The following RTN3 variants were observed in gnomAD, a reference collection of about 807,000 sequenced individuals.
The protein encoded by RTN3 is reticulon 3, also known as reticulon-3.
A neutral mutation model predicts 77.8 loss-of-function variants in RTN3; 49 were observed. The ratio of observed to expected loss-of-function variants is 0.63; its 90% CI spans 0.50 to 0.80. The LOEUF (loss-of-function observed/expected upper bound fraction) is 0.80. Ranked by LOEUF, RTN3 falls within the 30% of genes least tolerant of loss-of-function variation. The probability of loss-of-function intolerance (pLI) is 0.00; values close to 1 mark genes in which losing one functional copy is unlikely to be tolerated. For synonymous variants in RTN3, 464 were observed against 446.9 expected, an observed-to-expected ratio of 1.04 and a Z score of -0.48; for missense variants, 1,236 against 1,211.9, an observed-to-expected ratio of 1.02 and a Z score of -0.29.
At chr11:63,712,249 A>G (rs1051207981) in intron 2 of RTN3, among the ~76,000 whole-genome samples, 1 of 152,156 alleles carries the variant, frequency 6.6e-6, no homozygotes, top group African/African-American at 2.4e-5. Flanking sequence ...TCTCCCTAGT[A>G]AAAAGGCATG....
intron 2 of RTN3, among the ~76,000 whole-genome samples, chr11:63,711,557 T>C (rs1055520808): frequency 1.3e-5 from 2 of 151,632 alleles, no homozygotes; most frequent in African/African-American, 4.8e-5. Flanking sequence ...ACCAAGCTAA[T>C]TTAAAACAAA....
At chr11:63,738,359 G>A (rs973951508) in intron 3 of RTN3, among the ~76,000 whole-genome samples, 3 of 152,076 alleles carry the variant, frequency 2.0e-5, no homozygotes, top group Non-Finnish European at 4.4e-5. Context: ...AAATGAAGTG[G>A]CTGGGTTCAG....
intron 2 of RTN3, among the ~76,000 whole-genome samples, chr11:63,715,836 T>C (rs1382084083): frequency 1.3e-5 from 2 of 152,214 alleles, no homozygotes; most frequent in Non-Finnish European, 2.9e-5. Flanking sequence ...TCAGTAACAA[T>C]GCATGGCTCA....
Position 63,753,095 on chromosome 11 carries a change from C to T in RTN3, c.2904C>T (p.Thr968=), listed in dbSNP as rs1421713458. Residue 968 remains threonine, a synonymous_variant, in exon 6 of 9, where the codon ACC becomes ACT. Transcript: ENST00000377819. ...TGGCTGTCTTCATGTGGCTGATGAC[C>T]TATGTTGGTGCTGTTTTTAACGGAA... ...LKLAVFMWLM[T]YVGAVFNGIT... 2 of 1,614,004 alleles carry T rather than the reference C, an allele frequency of 1.2e-6. No homozygotes were observed. The highest frequency in any genetic ancestry group is 2.7e-5 in the African/African-American group (2 of 74,908).
chr11:63,729,728 G>A (rs1268699676), intron 3 of RTN3, among the ~76,000 whole-genome samples: 1 of 151,782 alleles, frequency 6.6e-6, no homozygotes, highest in Non-Finnish European at 1.5e-5. Context: ...CCAAAGTGCT[G>A]GGATTATAGG....
At chr11:63,714,460 G>A (rs1333172560) in intron 2 of RTN3, 2 of 147,522 alleles carry the variant, frequency 1.4e-5, no homozygotes, top group African/African-American at 2.5e-5. Flanking sequence ...ATATCTCGTA[G>A]CCATGTCATA....
upstream of RTN3, chr11:63,681,462 G>T (rs894590593): frequency 6.7e-6 from 4 of 597,568 alleles, no homozygotes; most frequent in Non-Finnish European, 1.0e-5. Flanking sequence ...ATGCGCGCTC[G>T]CGCTCCCGCC....
chr11:63,725,289 C>A (rs1379907311), intron 3 of RTN3, among the ~76,000 whole-genome samples: 1 of 151,986 alleles, frequency 6.6e-6, no homozygotes, highest in African/African-American at 2.4e-5. Context: ...TTTTAAACTT[C>A]TTTCATGTTG....
Position 63,722,651 on chromosome 11 carries a change from A to C in RTN3, c.2530+1619A>C, listed in dbSNP as rs564810317. On this transcript the variant is annotated intron_variant, in intron 3 of 8. Coordinates refer to ENST00000377819, the MANE Select transcript of RTN3 (RefSeq NM_001265589.2). ...AAATTTTGAATTACCAATTAAGGAT[A>C]GCTCTTATACTCTAGCATTTGAAGC... Among the ~76,000 whole-genome samples the C allele has an allele frequency of 6.6e-5, 10 of 152,360 alleles. No homozygotes were observed. In the South Asian group the frequency reaches 2.1e-3, roughly 32 times the overall value.
chr11:63,683,972 T>TTTTTTTTTTTTTTTTTA (rs1375625604), intron 1 of RTN3, among the ~76,000 whole-genome samples: 15 of 136,052 alleles, frequency 1.1e-4, no homozygotes, highest in South Asian at 2.5e-4. Flanking sequence ...TTTTTTTTTT[T>TTTTTTTTTTTTTTTTTA]AGACAAGGTC....
intron 1 of RTN3, among the ~76,000 whole-genome samples, chr11:63,702,670 G>GTTTTTGTT (rs1378553904): frequency 7.0e-6 from 1 of 142,630 alleles, no homozygotes; most frequent in Non-Finnish European, 1.5e-5. Flanking sequence ...ACTGCACTTT[G>GTTTTTGTT]TTTTTGTTTT....
At chr11:63,699,815 A>G (rs934221853) in intron 1 of RTN3, among the ~76,000 whole-genome samples, 1 of 152,190 alleles carries the variant, frequency 6.6e-6, no homozygotes, top group South Asian at 2.1e-4. Flanking sequence ...TTACTGGTGC[A>G]TATTTGATTT....
At chr11:63,684,262 C>T (rs548841355) in intron 1 of RTN3, among the ~76,000 whole-genome samples, 1 of 150,926 alleles carries the variant, frequency 6.6e-6, no homozygotes, top group East Asian at 1.9e-4. Flanking sequence ...CATTCTCCTG[C>T]CTCAGCTTCC....
At chr11:63,723,411 TTTATC>T (rs1210548052) in intron 3 of RTN3, among the ~76,000 whole-genome samples, 1 of 151,226 alleles carries the variant, frequency 6.6e-6, no homozygotes, top group Non-Finnish European at 1.5e-5. Flanking sequence ...GTTTTATTTA[TTTATC>T]TTTTTTTTTT....
chr11:63,739,867 T>C (rs1299199542), intron 3 of RTN3, among the ~76,000 whole-genome samples: 1 of 151,832 alleles, frequency 6.6e-6, no homozygotes, highest in Non-Finnish European at 1.5e-5. Flanking sequence ...GTGTAGATGA[T>C]GAGGGAGAAA....
chr11:63,751,547 G>A (rs1377389453), intron 4 of RTN3, among the ~76,000 whole-genome samples: 2 of 152,108 alleles, frequency 1.3e-5, no homozygotes, highest in African/African-American at 2.4e-5. Flanking sequence ...GCAAATGACA[G>A]TTTTTTGAAG....
chr11:63,701,447 A>G (rs1942233272), intron 1 of RTN3, among the ~76,000 whole-genome samples: 1 of 152,164 alleles, frequency 6.6e-6, no homozygotes, highest in South Asian at 2.1e-4. Flanking sequence ...TCATCTACAT[A>G]AAGTATAATG....
chr11:63,703,163 T>A (rs983830719), intron 1 of RTN3, among the ~76,000 whole-genome samples: 2 of 152,220 alleles, frequency 1.3e-5, no homozygotes, highest in Admixed American at 6.5e-5. Context: ...AACAACTATT[T>A]ACATAGCATT....
At chr11:63,725,444 C>CCTTTTT (rs2012181468) in intron 3 of RTN3, among the ~76,000 whole-genome samples, 7 of 139,066 alleles carry the variant, frequency 5.0e-5, no homozygotes, top group South Asian at 4.7e-4. Flanking sequence ...TTTTTTTTTT[C>CCTTTTT]CTTTTTCTTT....
Sources: allele counts gnomAD v4.1 joint callset (sites outside exome capture counted in the v4.1 genomes callset), GRCh38; gene constraint gnomAD v4.1.1; transcripts MANE v1.5; gene names NCBI Gene and HGNC (gene_info 2026-07-23, HGNC 2026-07-21).